The following ZNF608 variants were observed in gnomAD, a reference collection of about 807,000 sequenced individuals.
ZNF608 encodes the protein renal carcinoma antigen NY-REN-36.
Under a neutral mutation model 109.0 loss-of-function variants are expected in ZNF608, and 12 were observed. The observed-to-expected ratio is 0.11, with a 90% CI of 0.07 to 0.18. ZNF608 has a LOEUF of 0.18. Ranked by LOEUF, ZNF608 falls within the 10% of genes least tolerant of loss-of-function variation. The pLI, the probability that ZNF608 is intolerant of heterozygous loss-of-function variation, is 1.00. For missense variants in ZNF608, 1,707 were observed against 1,879.3 expected, an observed-to-expected ratio of 0.91 and a Z score of 1.70; for synonymous variants, 732 against 717.4, an observed-to-expected ratio of 1.02 and a Z score of -0.33.
chr5:124,689,406 C>T (rs1332624569), intron 3 of ZNF608, among the ~76,000 whole-genome samples: 1 of 151,108 alleles, frequency 6.6e-6, no homozygotes, highest in Non-Finnish European at 1.5e-5. Context: ...GTGCTATGAT[C>T]ACACCACTGC....
rs996423713 is a variant in ZNF608, at chr5:124,643,462, T to C, written c.4296+49A>G. ...AAGACTGTTCTCTAGCTTGTTCCCC[T>C]TTCTCCCCAAATCACAGTACTTTTA... On this transcript the variant is annotated intron_variant, in intron 7 of 9. Coordinates refer to ENST00000513986, the MANE Select transcript of ZNF608 (RefSeq NM_020747.3). The C allele has an allele frequency of 3.2e-6, 5 of 1,578,798 alleles. 1 individual carries two copies. In the African/African-American group the frequency reaches 6.8e-5, roughly 21 times the overall value.
intron 3 of ZNF608, among the ~76,000 whole-genome samples, chr5:124,686,917 AT>A (rs1005557419): frequency 7.2e-5 from 11 of 152,124 alleles, no homozygotes; most frequent in African/African-American, 1.4e-4. Flanking sequence ...GTGGTGGGCA[AT>A]TTTTTTTCCT....
intron 2 of ZNF608, among the ~76,000 whole-genome samples, chr5:124,723,438 A>G (rs1323661974): frequency 6.6e-6 from 1 of 152,204 alleles, no homozygotes; most frequent in Non-Finnish European, 1.5e-5. Context: ...CTGTAATCCC[A>G]GCACTTTGGG....
chr5:124,738,250 T>A (rs918434049), intron 2 of ZNF608, among the ~76,000 whole-genome samples: 2 of 152,206 alleles, frequency 1.3e-5, no homozygotes, highest in Non-Finnish European at 2.9e-5. Context: ...AGTATTATGA[T>A]CATTTATCAA....
In ZNF608 at chr5:124,637,893, A is replaced by C; in HGVS notation, c.*7T>G. The stretch of plus-strand genomic sequence containing the variant: ...CAGTCACATGACAATGTACATGTCC[A>C]ATCTTGTTATTCTCTGCAAAAGAAA... On this transcript the variant is annotated 3_prime_UTR_variant, in exon 10 of 10. Transcript: ENST00000513986. 6.2e-7 allele frequency: 1 copy of C among 1,611,390 alleles called. No homozygotes were observed. Among genetic ancestry groups the C allele is most frequent in the African/African-American group, 1.3e-5 (1 of 74,886 alleles).
chr5:124,669,617 G>A (rs1751631898), intron 3 of ZNF608, among the ~76,000 whole-genome samples: 1 of 151,524 alleles, frequency 6.6e-6, no homozygotes, highest in African/African-American at 2.4e-5. Flanking sequence ...CTGGGTCCCT[G>A]GTTCAAAAAA....
At chr5:124,712,218 G>T (rs1426155977) in intron 2 of ZNF608, among the ~76,000 whole-genome samples, 1 of 152,140 alleles carries the variant, frequency 6.6e-6, no homozygotes, top group African/African-American at 2.4e-5. Flanking sequence ...GGGGGATAGG[G>T]AGGAGAGATC....
chr5:124,712,833 T>C (rs887534679), intron 2 of ZNF608, among the ~76,000 whole-genome samples: 1 of 152,178 alleles, frequency 6.6e-6, no homozygotes, highest in African/African-American at 2.4e-5. Context: ...CTGGAACCTT[T>C]TGTTTCAATT....
intron 3 of ZNF608, among the ~76,000 whole-genome samples, chr5:124,650,328 A>G (rs913053873): frequency 1.3e-5 from 2 of 152,166 alleles, no homozygotes; most frequent in East Asian, 1.9e-4. Context: ...TATCTGTTTC[A>G]GTGTTTGGTT....
chr5:124,664,894 G>A (rs1425645702), intron 3 of ZNF608, among the ~76,000 whole-genome samples: 2 of 152,182 alleles, frequency 1.3e-5, no homozygotes, highest in East Asian at 1.9e-4. Flanking sequence ...CCATGTTCAA[G>A]GCTGGGCGCA....
chr5:124,668,040 T>C (rs1751552100), intron 3 of ZNF608, among the ~76,000 whole-genome samples: 1 of 151,670 alleles, frequency 6.6e-6, no homozygotes, highest in Admixed American at 6.6e-5. Flanking sequence ...AGAACTCATA[T>C]AAAATAAACA....
chr5:124,702,915 T>G (rs1753111757), intron 2 of ZNF608, among the ~76,000 whole-genome samples: 3 of 152,212 alleles, frequency 2.0e-5, no homozygotes, highest in African/African-American at 4.8e-5. Flanking sequence ...ACACTGATAG[T>G]TCTTATTTTA....
intron 6 of ZNF608, 143 bp downstream of exon 6, chr5:124,644,101 T>C: frequency 2.6e-6 from 2 of 767,116 alleles, no homozygotes; most frequent in African/African-American, 3.5e-5. Context: ...ATTAAATCAG[T>C]TTTATCTTTG....
At chr5:124,703,724 T>C (rs1010966121) in intron 2 of ZNF608, among the ~76,000 whole-genome samples, 3 of 152,178 alleles carry the variant, frequency 2.0e-5, no homozygotes, top group African/African-American at 4.8e-5. Context: ...GCTATGATCA[T>C]GCCATGGCGC....
chr5:124,711,398 C>T (rs2149866427), intron 2 of ZNF608, among the ~76,000 whole-genome samples: 1 of 152,250 alleles, frequency 6.6e-6, no homozygotes, highest in African/African-American at 2.4e-5. Flanking sequence ...TTTAAACTAA[C>T]TTTTTAATGA....
intron 2 of ZNF608, among the ~76,000 whole-genome samples, chr5:124,714,428 G>A (rs186297459): frequency 1.5e-3 from 228 of 152,238 alleles, no homozygotes; most frequent in Admixed American, 5.0e-3. Flanking sequence ...TCTCACAGAG[G>A]ATGACAGGTC....
At chr5:124,740,994 A>G (rs923803175) in intron 2 of ZNF608, among the ~76,000 whole-genome samples, 1 of 152,234 alleles carries the variant, frequency 6.6e-6, no homozygotes, top group African/African-American at 2.4e-5. Context: ...ATACAAGGCT[A>G]TTATGCTTCA....
rs1429971953 is a variant in ZNF608, at chr5:124,641,325, G to A, written c.4377C>T (p.His1459=). Reference sequence around the variant, plus strand: ...CGTGGGTGTGGTGGTGCGTGTGCAGGTGCCGCTGGCCGAAGGGGGAGTGGC... The same window carrying A: ...CGTGGGTGTGGTGGTGCGTGTGCAGATGCCGCTGGCCGAAGGGGGAGTGGC... ...RDRHSPFGQR[H]LHTHHHTHVG... Residue 1459 remains histidine, a synonymous_variant, in exon 8 of 10, where the codon CAC becomes CAT. Coordinates refer to ENST00000513986, the MANE Select transcript of ZNF608 (RefSeq NM_020747.3). The A allele has an allele frequency of 6.2e-7, 1 of 1,613,974 alleles. No individual in the cohort carries two copies. The highest frequency in any genetic ancestry group is 2.2e-5 in the East Asian group (1 of 44,870).
chr5:124,640,973 G>A (rs966186420), intron 8 of ZNF608, among the ~76,000 whole-genome samples: 6 of 152,074 alleles, frequency 3.9e-5, no homozygotes, highest in African/African-American at 1.4e-4. Context: ...TATATTCAGT[G>A]CCCCAGACAC....
Sources: allele counts gnomAD v4.1 joint callset (sites outside exome capture counted in the v4.1 genomes callset), GRCh38; gene constraint gnomAD v4.1.1; transcripts MANE v1.5; gene names NCBI Gene and HGNC (gene_info 2026-07-23, HGNC 2026-07-21).